Variants in BTD observed in about 807,000 individuals in gnomAD.
The protein encoded by BTD is biotinidase.
Under a neutral mutation model 17.7 loss-of-function variants are expected in BTD, and 13 were observed. That is an observed-to-expected ratio of 0.74 (90% CI 0.48 to 1.17). The LOEUF is 1.17. Ranked by LOEUF, BTD falls within the 50% of genes most tolerant of loss-of-function variation. The probability of loss-of-function intolerance (pLI) is 0.00; values close to 1 mark genes in which losing one functional copy is unlikely to be tolerated. For synonymous variants in BTD, 240 were observed against 245.2 expected, an observed-to-expected ratio of 0.98 and a Z score of 0.20; for missense variants, 674 against 650.4, an observed-to-expected ratio of 1.04 and a Z score of -0.39.
intron 3 of BTD, among the ~76,000 whole-genome samples, chr3:15,699,982 A>C (rs912117367): frequency 1.3e-5 from 2 of 152,344 alleles, no homozygotes; most frequent in South Asian, 4.1e-4. Flanking sequence ...CTTGGAACCA[A>C]CCCAAATGTC....
At chr3:15,688,008 T>A (rs1053304093) in intron 3 of BTD, among the ~76,000 whole-genome samples, 1 of 152,208 alleles carries the variant, frequency 6.6e-6, no homozygotes, top group African/African-American at 2.4e-5. Context: ...TTGAAAGGCA[T>A]CTATAGATAC....
intron 1 of BTD, among the ~76,000 whole-genome samples, chr3:15,623,277 A>G (rs1192240462): frequency 6.6e-6 from 1 of 152,194 alleles, no homozygotes; most frequent in African/African-American, 2.4e-5. Flanking sequence ...CATTTACTAC[A>G]CAATCTACAT....
At chr3:15,679,727 T>C (rs1241419885) in intron 3 of BTD, among the ~76,000 whole-genome samples, 2 of 152,178 alleles carry the variant, frequency 1.3e-5, no homozygotes, top group East Asian at 1.9e-4. Context: ...AAGCCACCAG[T>C]AGTTCCTGAA....
intron 1 of BTD, among the ~76,000 whole-genome samples, chr3:15,610,112 A>C (rs1324379647): frequency 6.6e-6 from 1 of 152,204 alleles, no homozygotes; most frequent in Non-Finnish European, 1.5e-5. Context: ...TAAAAGAACC[A>C]CCATTTATTT....
At chr3:15,632,625 T>C (rs1298964627) in intron 1 of BTD, 1 of 152,294 alleles carries the variant, frequency 6.6e-6, no homozygotes, top group Non-Finnish European at 1.5e-5. Flanking sequence ...TCAGCTGCTG[T>C]ATTTCCAAGA....
At chr3:15,679,424 T>C (rs764010959) in intron 3 of BTD, 1 of 1,612,920 alleles carries the variant, frequency 6.2e-7, no homozygotes, top group South Asian at 1.1e-5. Flanking sequence ...ACAGCAATGG[T>C]GTATTTCTTA....
chr3:15,696,876 T>C (rs907488055), intron 3 of BTD, among the ~76,000 whole-genome samples: 2 of 152,200 alleles, frequency 1.3e-5, no homozygotes, highest in Non-Finnish European at 2.9e-5. Context: ...GAAAACTGTA[T>C]GGAGATTCCT....
At chr3:15,641,062 G>A (rs2065488769) in intron 2 of BTD, among the ~76,000 whole-genome samples, 1 of 152,198 alleles carries the variant, frequency 6.6e-6, no homozygotes, top group Admixed American at 6.5e-5. Flanking sequence ...GAGAGCAGTG[G>A]AAGAATGATG....
downstream of BTD, among the ~76,000 whole-genome samples, chr3:15,656,197 A>G (rs1302556083): frequency 6.6e-6 from 1 of 152,100 alleles, no homozygotes; most frequent in Non-Finnish European, 1.5e-5. Flanking sequence ...TTTGTTTTCA[A>G]ACCTCAACTT....
At chr3:15,688,542 A>G (rs1415076958) in intron 3 of BTD, among the ~76,000 whole-genome samples, 1 of 152,238 alleles carries the variant, frequency 6.6e-6, no homozygotes, top group Non-Finnish European at 1.5e-5. Context: ...GTTCTAATGT[A>G]TTATTAAAAT....
chr3:15,690,941 C>T (rs1377527498), intron 3 of BTD, among the ~76,000 whole-genome samples: 2 of 152,130 alleles, frequency 1.3e-5, no homozygotes. Flanking sequence ...TGAGTCAGTG[C>T]TTGAATATTC....
intron 1 of BTD, among the ~76,000 whole-genome samples, chr3:15,612,110 C>A (rs2064654837): frequency 6.6e-6 from 1 of 152,072 alleles, no homozygotes; most frequent in Non-Finnish European, 1.5e-5. Context: ...TTACTCTTTT[C>A]CTCACTGTTA....
chr3:15,713,117 A>G (rs2072544892), downstream of BTD, among the ~76,000 whole-genome samples: 1 of 152,180 alleles, frequency 6.6e-6, no homozygotes, highest in Non-Finnish European at 1.5e-5. Flanking sequence ...ACTCCTTCGT[A>G]GGATTCCAAG....
At chr3:15,606,211 A>G (rs897066637) in intron 1 of BTD, among the ~76,000 whole-genome samples, 3 of 152,136 alleles carry the variant, frequency 2.0e-5, no homozygotes, top group Non-Finnish European at 2.9e-5. Context: ...CATTAGAGTC[A>G]CTTGGAAAGC....
intron 3 of BTD, among the ~76,000 whole-genome samples, chr3:15,686,845 C>T (rs551610845): frequency 6.6e-6 from 1 of 152,270 alleles, no homozygotes; most frequent in East Asian, 1.9e-4. Context: ...GCAATAATCC[C>T]ACAACATGAA....
At chr3:15,608,625 G>A (rs1435429895) in intron 1 of BTD, among the ~76,000 whole-genome samples, 1 of 152,120 alleles carries the variant, frequency 6.6e-6, no homozygotes, top group Non-Finnish European at 1.5e-5. Flanking sequence ...AATTAGCTGG[G>A]CATGGTGATG....
At chr3:15,670,181 T>C (rs1037999882) in intron 3 of BTD, 4 of 1,411,930 alleles carry the variant, frequency 2.8e-6, no homozygotes, top group African/African-American at 2.9e-5. Flanking sequence ...TCCTCTTAGG[T>C]TGAATTTCTA....
intron 3 of BTD, chr3:15,670,086 A>G: frequency 1.6e-6 from 1 of 609,340 alleles, no homozygotes; most frequent in Non-Finnish European, 2.8e-6. Context: ...TCAAGATTCT[A>G]GAAGTTCCTT....
chr3:15,610,668 T>A (rs2064593726), intron 1 of BTD, among the ~76,000 whole-genome samples: 1 of 152,228 alleles, frequency 6.6e-6, no homozygotes, highest in Admixed American at 6.5e-5. Context: ...ATTTCTGTGT[T>A]TTTAAAATAA....
Sources: gnomAD v4.1 joint callset for allele counts (sites outside exome capture counted in the v4.1 genomes callset) on GRCh38, gnomAD v4.1.1 for gene constraint, MANE v1.5 for transcripts, NCBI Gene and HGNC (gene_info 2026-07-23, HGNC 2026-07-21) for gene names.